The following MYO1D variants were observed in gnomAD, a reference collection of about 807,000 sequenced individuals.
MYO1D encodes the protein unconventional myosin-Id.
Under a neutral mutation model 122.0 loss-of-function variants are expected in MYO1D, and 83 were observed. The ratio of observed to expected loss-of-function variants is 0.68; its 90% CI spans 0.57 to 0.82. The LOEUF (loss-of-function observed/expected upper bound fraction) is 0.82. MYO1D is among the 40% of genes least tolerant of loss of function. MYO1D has a pLI of 0.00. For synonymous variants in MYO1D, 464 were observed against 446.9 expected (o/e 1.04, Z -0.48); for missense variants, 1,157 against 1,269.5 (o/e 0.91, Z 1.35).
intron 1 of MYO1D, among the ~76,000 whole-genome samples, chr17:32,805,075 T>C (rs1040377734): frequency 1.3e-5 from 2 of 152,152 alleles, no homozygotes; most frequent in African/African-American, 2.4e-5. Flanking sequence ...CCCCCATGAA[T>C]AGAATTAGTG....
chr17:32,571,352 A>T (rs530888076), intron 21 of MYO1D, among the ~76,000 whole-genome samples: 2 of 152,100 alleles, frequency 1.3e-5, no homozygotes, highest in Non-Finnish European at 2.9e-5. Context: ...CCCTCCCTCC[A>T]CTGGAAGTTT....
At chr17:32,614,352 T>C (rs1380605061) in intron 20 of MYO1D, among the ~76,000 whole-genome samples, 2 of 152,032 alleles carry the variant, frequency 1.3e-5, no homozygotes, top group East Asian at 3.9e-4. Context: ...TTGCTCGTAT[T>C]TTGACACAGA....
chr17:32,592,863 CAACAA>C (rs962971594), intron 21 of MYO1D, among the ~76,000 whole-genome samples: 57 of 152,256 alleles, frequency 3.7e-4, no homozygotes, highest in African/African-American at 1.3e-3. Flanking sequence ...AAAAAAACCC[CAACAA>C]AACAAAACAA....
chr17:32,547,883 G>A (rs2086977741), intron 21 of MYO1D, among the ~76,000 whole-genome samples: 1 of 151,912 alleles, frequency 6.6e-6, no homozygotes, highest in African/African-American at 2.4e-5. Context: ...CTGGGAGGCA[G>A]AGGTTGCAGT....
chr17:32,615,991 T>G (rs565482603), intron 20 of MYO1D, among the ~76,000 whole-genome samples: 7 of 152,260 alleles, frequency 4.6e-5, no homozygotes, highest in Non-Finnish European at 7.3e-5. Flanking sequence ...AAAGAGGCTC[T>G]GGACCTGTGG....
intron 20 of MYO1D, among the ~76,000 whole-genome samples, chr17:32,626,120 T>C (rs2087924438): frequency 6.6e-6 from 1 of 152,166 alleles, no homozygotes; most frequent in African/African-American, 2.4e-5. Flanking sequence ...CTTCCCTGTC[T>C]CTCCCACGGG....
chr17:32,560,690 ACT>A (rs2150889989), intron 21 of MYO1D, among the ~76,000 whole-genome samples: 1 of 148,638 alleles, frequency 6.7e-6, no homozygotes, highest in East Asian at 2.0e-4. Flanking sequence ...CAAAATCTCA[ACT>A]CTCTGCAACC....
chr17:32,662,748 G>A (rs1289248987), intron 16 of MYO1D, among the ~76,000 whole-genome samples: 1 of 152,018 alleles, frequency 6.6e-6, no homozygotes, highest in African/African-American at 2.4e-5. Flanking sequence ...GTAAAATGGG[G>A]ATAATAATGG....
chr17:32,764,999 G>A lies in MYO1D; in HGVS notation c.914C>T (p.Ser305Phe), dbSNP rs2090040705. ...KVVSIIAELLSTKTDMVEKAL... is the reference protein window; with the variant it reads ...KVVSIIAELLFTKTDMVEKAL... ...TTTCTCAACCATATCTGTCTTAGTA[G>A]AGAGCAATTCTGCTATGATAGATAC... The change falls in exon 8 of 22, where the codon TCT becomes TTT. Residue 305 changes from serine to phenylalanine, a missense_variant. Ser to Phe is a radical substitution (Grantham distance 155, BLOSUM62 -2). Transcript: ENST00000318217. 1 of 1,614,138 alleles carries A rather than the reference G, an allele frequency of 6.2e-7. No individual in the cohort carries two copies. The highest frequency in any genetic ancestry group is 8.5e-7 in the Non-Finnish European group (1 of 1,180,012).
At chr17:32,591,076 A>G (rs1034279297) in intron 21 of MYO1D, among the ~76,000 whole-genome samples, 1 of 152,242 alleles carries the variant, frequency 6.6e-6, no homozygotes, top group African/African-American at 2.4e-5. Flanking sequence ...CAAGGCAGGT[A>G]AAGCTGAGGA....
chr17:32,497,259 G>T (rs1416755933), intron 21 of MYO1D, among the ~76,000 whole-genome samples: 1 of 152,086 alleles, frequency 6.6e-6, no homozygotes, highest in East Asian at 1.9e-4. Flanking sequence ...ATAGCCTATA[G>T]CCCAGGAGCC....
chr17:32,830,042 G>A (rs1467380933), intron 1 of MYO1D, among the ~76,000 whole-genome samples: 1 of 152,138 alleles, frequency 6.6e-6, no homozygotes, highest in Non-Finnish European at 1.5e-5. Context: ...GTCTTCTTAT[G>A]AATAAAGTTA....
At position 32,517,677 on chromosome 17, in the gene MYO1D, G is replaced by C. The variant is rs1398898036; in HGVS notation, c.2865-22762C>G. ...CCCTCCCTGGGAACGACCGGAAGAA[G>C]AGCTGGCCCCGCTTTGCTTCAGATA... is the stretch of plus-strand genomic sequence containing the variant. On this transcript the variant is annotated intron_variant, in intron 21 of 21. Coordinates refer to ENST00000318217, the MANE Select transcript of MYO1D (RefSeq NM_015194.3). Among the ~76,000 whole-genome samples, 4 of 152,170 alleles carry C rather than the reference G, an allele frequency of 2.6e-5. No individual in the cohort carries two copies. The East Asian group carries it at 7.7e-4, about 29-fold the overall frequency.
chr17:32,659,637 G>A (rs1244123386), intron 16 of MYO1D, among the ~76,000 whole-genome samples: 1 of 152,194 alleles, frequency 6.6e-6, no homozygotes, highest in Admixed American at 6.5e-5. Context: ...AAGCCAAAAT[G>A]CAAATATCTT....
Position 32,765,164 on chromosome 17 carries a change from ACC to A in MYO1D, c.832-85_832-84del. 11 of 1,155,910 alleles carry A rather than the reference ACC, an allele frequency of 9.5e-6. No homozygotes were observed. The South Asian group carries it at 1.5e-4, about 16-fold the overall frequency. 71.6% of individuals were successfully genotyped at this position (1,155,910 alleles called of 1,614,324 possible). On this transcript the variant is annotated intron_variant, in intron 7 of 21. Coordinates refer to ENST00000318217, the MANE Select transcript of MYO1D (RefSeq NM_015194.3). ...GCCAATATAAAATACAATTCAGGTG[ACC>A]TTGTTTGTACCTATTTTCCTAAATA...
chr17:32,613,545 G>C (rs559763054), intron 20 of MYO1D, among the ~76,000 whole-genome samples: 123 of 152,166 alleles, frequency 8.1e-4, no homozygotes, highest in Non-Finnish European at 1.4e-3. Context: ...GGAGGCCGAG[G>C]TGGGCAGATC....
intron 16 of MYO1D, among the ~76,000 whole-genome samples, chr17:32,694,279 C>T (rs1279828705): frequency 7.8e-6 from 1 of 128,500 alleles, no homozygotes; most frequent in East Asian, 2.4e-4. Flanking sequence ...TTCTTCTACA[C>T]TCTGAGCTCA....
chr17:32,657,456 C>A (rs1307223905), intron 17 of MYO1D, among the ~76,000 whole-genome samples: 3 of 152,228 alleles, frequency 2.0e-5, no homozygotes, highest in African/African-American at 7.2e-5. Flanking sequence ...GTGACAGAGA[C>A]CATCTGTAGC....
intron 1 of MYO1D, among the ~76,000 whole-genome samples, chr17:32,788,383 T>C (rs1040098647): frequency 2.6e-5 from 4 of 152,208 alleles, no homozygotes; most frequent in African/African-American, 9.6e-5. Flanking sequence ...TAGAAGAGTT[T>C]TTCTATGTTA....
Sources: gnomAD v4.1 joint callset for allele counts (sites outside exome capture counted in the v4.1 genomes callset) on GRCh38, gnomAD v4.1.1 for gene constraint, MANE v1.5 for transcripts, NCBI Gene and HGNC (gene_info 2026-07-23, HGNC 2026-07-21) for gene names.